Variants in NRXN3 observed in about 807,000 individuals in gnomAD.
NRXN3 encodes the protein neurexin III.
Under a neutral mutation model 137.6 loss-of-function variants are expected in NRXN3, and 32 were observed. That is an observed-to-expected ratio of 0.23 (90% CI 0.18 to 0.31). The LOEUF is 0.31. Ranked by LOEUF, NRXN3 falls within the 10% of genes least tolerant of loss-of-function variation. The probability of loss-of-function intolerance (pLI) is 1.00; values close to 1 mark genes in which losing one functional copy is unlikely to be tolerated. For synonymous variants in NRXN3, 798 were observed against 784.5 expected (o/e 1.02, Z -0.29); for missense variants, 1,574 against 2,062.5 (o/e 0.76, Z 4.59).
chr14:78,791,231 A>G (rs941438443), intron 8 of NRXN3, among the ~76,000 whole-genome samples: 3 of 152,196 alleles, frequency 2.0e-5, no homozygotes, highest in African/African-American at 7.2e-5. Context: ...GGATGTTCAG[A>G]TATACTAATT....
chr14:79,796,192 G>T (rs1008909436), intron 19 of NRXN3, among the ~76,000 whole-genome samples: 1 of 152,152 alleles, frequency 6.6e-6, no homozygotes, highest in Non-Finnish European at 1.5e-5. Flanking sequence ...GATTCTTAAA[G>T]ATGGTGTGGT....
At chr14:78,313,585 GGTTACAAAGCTAGTTACAGA>G (rs2078228547) in intron 4 of NRXN3, among the ~76,000 whole-genome samples, 1 of 152,044 alleles carries the variant, frequency 6.6e-6, no homozygotes, top group African/African-American at 2.4e-5. Context: ...AGAGGCCCAA[GGTTACAAAGCTAGTTACAGA>G]GCTAGCAGCA....
Position 79,078,937 on chromosome 14 carries a change from G to T in NRXN3, c.3262+90796G>T, listed in dbSNP as rs554862770. 1.2e-4 allele frequency among the ~76,000 whole-genome samples: 18 copies of T among 152,088 alleles called. 1 individual carries two copies. Among genetic ancestry groups the T allele is most frequent in the South Asian group, 6.2e-4 (3 of 4,816 alleles). On this transcript the variant is annotated intron_variant, in intron 15 of 20. Coordinates refer to ENST00000335750, the MANE Select transcript of NRXN3 (RefSeq NM_001330195.2). The stretch of plus-strand genomic sequence containing the variant: ...TTCTTGTGTAGGGATACCAGAAGAA[G>T]ATGAAAGAGAGAACCTAACTCATTT...
intron 4 of NRXN3, among the ~76,000 whole-genome samples, chr14:78,320,699 G>T (rs911585147): frequency 6.6e-6 from 1 of 152,174 alleles, no homozygotes; most frequent in African/African-American, 2.4e-5. Flanking sequence ...GTACCGTGTG[G>T]CTTTCCTGTG....
At chr14:79,834,768 C>T (rs529476614) in intron 20 of NRXN3, among the ~76,000 whole-genome samples, 39 of 152,244 alleles carry the variant, frequency 2.6e-4, no homozygotes, top group Non-Finnish European at 4.3e-4. Context: ...CAGACATCTT[C>T]ATCTTCCTGT....
chr14:79,057,659 A>G (rs2152631231), intron 15 of NRXN3, among the ~76,000 whole-genome samples: 1 of 152,324 alleles, frequency 6.6e-6, no homozygotes, highest in South Asian at 2.1e-4. Flanking sequence ...AGGTAACTGA[A>G]AAATGGCAAG....
intron 19 of NRXN3, among the ~76,000 whole-genome samples, chr14:79,727,209 A>C (rs1261097183): frequency 1.3e-5 from 2 of 152,176 alleles, no homozygotes; most frequent in Non-Finnish European, 2.9e-5. Context: ...TTCTACTAAG[A>C]GTTGAGTGAA....
At chr14:78,792,188 GT>G (rs1343086804) in intron 8 of NRXN3, among the ~76,000 whole-genome samples, 1 of 102,668 alleles carries the variant, frequency 9.7e-6, no homozygotes, top group African/African-American at 3.7e-5. Flanking sequence ...TTGAATTCAT[GT>G]CACAAGAACT....
intron 16 of NRXN3, among the ~76,000 whole-genome samples, chr14:79,490,821 T>C (rs2096709801): frequency 6.6e-6 from 1 of 152,148 alleles, no homozygotes; most frequent in East Asian, 1.9e-4. Context: ...TATAATTGGA[T>C]TGTTTGCAAC....
At chr14:78,840,309 T>C (rs1246489431) in intron 10 of NRXN3, among the ~76,000 whole-genome samples, 2 of 152,230 alleles carry the variant, frequency 1.3e-5, no homozygotes, top group Non-Finnish European at 2.9e-5. Flanking sequence ...GTCTTTGTCC[T>C]ATGGGAATTT....
intron 20 of NRXN3, among the ~76,000 whole-genome samples, chr14:79,827,072 C>T (rs1603617215): frequency 6.6e-6 from 1 of 152,148 alleles, no homozygotes; most frequent in Non-Finnish European, 1.5e-5. Flanking sequence ...GTGCTAAGCA[C>T]TGAGGATGCA....
Position 79,641,126 on chromosome 14 carries a change from G to C in NRXN3, c.3445-22652G>C, listed in dbSNP as rs537072394. ...GGGTTCAAGCGATTCTCCTGCCTCA[G>C]CCTCCTGAGTAACTGGGATTACAGG... is the stretch of plus-strand genomic sequence containing the variant. On this transcript the variant is annotated intron_variant, in intron 16 of 20. Coordinates refer to ENST00000335750, the MANE Select transcript of NRXN3 (RefSeq NM_001330195.2). Among the ~76,000 whole-genome samples, 145 of 133,830 alleles carry C rather than the reference G, an allele frequency of 1.1e-3. 9 individuals carry two copies. Among genetic ancestry groups the C allele is most frequent in the African/African-American group, 3.3e-3 (133 of 40,600 alleles). 87.8% of individuals were successfully genotyped at this position (133,830 alleles called of 152,430 possible).
intron 16 of NRXN3, among the ~76,000 whole-genome samples, chr14:79,508,051 C>T (rs185629565): frequency 3.1e-4 from 47 of 152,174 alleles, no homozygotes; most frequent in Admixed American, 2.1e-3. Flanking sequence ...TGGATTTGAA[C>T]TCATATCTAT....
At chr14:79,059,547 G>A (rs1049023351) in intron 15 of NRXN3, among the ~76,000 whole-genome samples, 5 of 151,842 alleles carry the variant, frequency 3.3e-5, no homozygotes, top group Admixed American at 1.3e-4. Context: ...ATGAGCCACC[G>A]CGCCTGGCCT....
At chr14:79,754,587 C>CATATATATACACACACAT (rs1555692393) in intron 19 of NRXN3, among the ~76,000 whole-genome samples, 1 of 127,812 alleles carries the variant, frequency 7.8e-6, no homozygotes, top group African/African-American at 3.0e-5. Flanking sequence ...CACACACACA[C>CATATATATACACACACAT]ACATATATAT....
chr14:79,542,095 G>C (rs1342799136), intron 16 of NRXN3, among the ~76,000 whole-genome samples: 3 of 152,116 alleles, frequency 2.0e-5, no homozygotes, highest in Non-Finnish European at 4.4e-5. Context: ...CAGTGACTTT[G>C]TTTTTCTGTG....
intron 4 of NRXN3, among the ~76,000 whole-genome samples, chr14:78,624,730 G>A (rs2097438469): frequency 6.6e-6 from 1 of 152,180 alleles, no homozygotes; most frequent in Non-Finnish European, 1.5e-5. Flanking sequence ...TGAGGTGATG[G>A]GGTGGGAGCC....
chr14:78,241,720 A>G (rs1363448213), intron 1 of NRXN3, among the ~76,000 whole-genome samples: 1 of 152,156 alleles, frequency 6.6e-6, no homozygotes, highest in Non-Finnish European at 1.5e-5. Flanking sequence ...CTACTTTACA[A>G]ATGAGGAAAT....
At chr14:78,819,504 C>T (rs768736678) in intron 10 of NRXN3, among the ~76,000 whole-genome samples, 1 of 151,890 alleles carries the variant, frequency 6.6e-6, no homozygotes, top group Non-Finnish European at 1.5e-5. Context: ...ATATAAGACA[C>T]CATTTTATAT....
Sources: gnomAD v4.1 joint callset for allele counts (sites outside exome capture counted in the v4.1 genomes callset) on GRCh38, gnomAD v4.1.1 for gene constraint, MANE v1.5 for transcripts, NCBI Gene and HGNC (gene_info 2026-07-23, HGNC 2026-07-21) for gene names.